The following FSTL4 variants were observed in gnomAD, a reference collection of about 807,000 sequenced individuals.
FSTL4 encodes the protein follistatin-related protein 4.
Under a neutral mutation model 78.2 loss-of-function variants are expected in FSTL4, and 28 were observed. The observed-to-expected ratio is 0.36, with a 90% confidence interval of 0.27 to 0.49. FSTL4 has a LOEUF of 0.49. FSTL4 is among the 20% of genes least tolerant of loss of function. The pLI is 0.98. For synonymous variants in FSTL4, 422 were observed against 440.5 expected, an observed-to-expected ratio of 0.96 and a Z score of 0.53; for missense variants, 922 against 1,084.9, an observed-to-expected ratio of 0.85 and a Z score of 2.11.
intron 14 of FSTL4, among the ~76,000 whole-genome samples, chr5:133,206,042 G>C (rs921902138): frequency 6.6e-6 from 1 of 152,084 alleles, no homozygotes; most frequent in Non-Finnish European, 1.5e-5. Flanking sequence ...AGTGAGATTA[G>C]TCTACAGTTT....
the FSTL4 span, among the ~76,000 whole-genome samples, chr5:133,719,456 G>A: frequency 5.9e-5 from 9 of 152,090 alleles, no homozygotes; most frequent in Non-Finnish European, 1.0e-4. Flanking sequence ...GATCACCTGA[G>A]GTCGGGAGTT....
intron 10 of FSTL4, 196 bp from the exon 11 acceptor site, chr5:133,224,412 A>G (rs1452524441): frequency 2.1e-6 from 1 of 481,248 alleles, no homozygotes; most frequent in Non-Finnish European, 3.7e-6. Flanking sequence ...AAATGCTTTC[A>G]GGTCTCCAGA....
chr5:133,563,744 AT>A, intron 3 of FSTL4, among the ~76,000 whole-genome samples: 1 of 152,296 alleles, frequency 6.6e-6, no homozygotes, highest in Non-Finnish European at 1.5e-5. Flanking sequence ...AACACAATTA[AT>A]TTTGTTAAAT....
chr5:133,727,842 A>G, the FSTL4 span, among the ~76,000 whole-genome samples: 6 of 152,238 alleles, frequency 3.9e-5, no homozygotes, highest in African/African-American at 1.4e-4. Context: ...TCCAGGATGC[A>G]GCGTCAGGGG....
intron 6 of FSTL4, among the ~76,000 whole-genome samples, chr5:133,306,082 A>T (rs893631011): frequency 1.3e-5 from 2 of 152,256 alleles, no homozygotes; most frequent in Non-Finnish European, 2.9e-5. Context: ...CTGCCTTGCC[A>T]GCCTGCCAGG....
chr5:133,329,049 A>G (rs1208484841), intron 4 of FSTL4, among the ~76,000 whole-genome samples: 1 of 152,162 alleles, frequency 6.6e-6, no homozygotes, highest in Non-Finnish European at 1.5e-5. Context: ...GCCGGGTCTG[A>G]GGCTGTCGCT....
chr5:133,458,521 T>A lies in FSTL4; in HGVS notation c.161-57535A>T, dbSNP rs536704544. On this transcript the variant is annotated intron_variant, in intron 3 of 15. Coordinates refer to ENST00000265342, the MANE Select transcript of FSTL4 (RefSeq NM_015082.2). ...GGCCAAGGCAGCATCTCATCCCATG[T>A]ATTTCATGAGGAGAGAATAGGCTTC... is the stretch of plus-strand genomic sequence containing the variant. Among the ~76,000 whole-genome samples, 7 of 152,358 alleles carry A rather than the reference T, an allele frequency of 4.6e-5. No homozygotes were observed. In the East Asian group the frequency reaches 1.3e-3, roughly 29 times the overall value.
intron 6 of FSTL4, among the ~76,000 whole-genome samples, chr5:133,263,683 G>C (rs1374495765): frequency 6.6e-6 from 1 of 152,196 alleles, no homozygotes; most frequent in East Asian, 1.9e-4. Flanking sequence ...TGTCATGATA[G>C]AGAGCAGAGA....
chr5:133,590,258 C>T (rs923516390), intron 2 of FSTL4, among the ~76,000 whole-genome samples: 1 of 152,134 alleles, frequency 6.6e-6, no homozygotes, highest in Non-Finnish European at 1.5e-5. Context: ...GACACTGCCC[C>T]CTTTCATCCT....
chr5:133,534,068 A>G (rs1167493918), intron 3 of FSTL4, among the ~76,000 whole-genome samples: 1 of 152,180 alleles, frequency 6.6e-6, no homozygotes, highest in Non-Finnish European at 1.5e-5. Context: ...TATAATAAAC[A>G]GAAAGTTATT....
chr5:133,436,937 G>C (rs954540929), intron 3 of FSTL4, among the ~76,000 whole-genome samples: 1 of 152,238 alleles, frequency 6.6e-6, no homozygotes, highest in African/African-American at 2.4e-5. Context: ...TGGTATTGGA[G>C]ATAGAGAGAA....
chr5:133,375,754 T>G (rs183879593), intron 4 of FSTL4, among the ~76,000 whole-genome samples: 14 of 152,198 alleles, frequency 9.2e-5, no homozygotes, highest in Non-Finnish European at 1.9e-4. Flanking sequence ...TTCTGTCACA[T>G]TGGGATCAGT....
At chr5:133,631,411 T>C in the FSTL4 span, among the ~76,000 whole-genome samples, 1 of 151,958 alleles carries the variant, frequency 6.6e-6, no homozygotes, top group Non-Finnish European at 1.5e-5. Context: ...TCATCATCAC[T>C]CGTCATTAGA....
the FSTL4 span, among the ~76,000 whole-genome samples, chr5:133,665,719 GCTGAAC>G: frequency 6.6e-6 from 1 of 152,236 alleles, no homozygotes; most frequent in African/African-American, 2.4e-5. Context: ...GGTTAAATGT[GCTGAAC>G]CTGGGAACAT....
chr5:133,319,209 C>G (rs1235477481), intron 4 of FSTL4, among the ~76,000 whole-genome samples: 4 of 152,204 alleles, frequency 2.6e-5, no homozygotes, highest in African/African-American at 4.8e-5. Context: ...ACCTTCTGGT[C>G]AGGAAGGTAT....
At chr5:133,801,512 G>A in the FSTL4 span, among the ~76,000 whole-genome samples, 10 of 152,132 alleles carry the variant, frequency 6.6e-5, no homozygotes, top group Non-Finnish European at 1.0e-4. Flanking sequence ...CACCTCTGCC[G>A]CTTCAGCCTC....
intron 3 of FSTL4, among the ~76,000 whole-genome samples, chr5:133,521,023 A>G (rs1359631845): frequency 3.3e-5 from 5 of 150,770 alleles, no homozygotes; most frequent in Admixed American, 3.3e-4. Flanking sequence ...AAAAACTTTA[A>G]AAAGTAACTA....
chr5:133,275,699 T>A (rs1475248831), intron 6 of FSTL4: 2 of 152,202 alleles, frequency 1.3e-5, no homozygotes, highest in African/African-American at 4.8e-5. Flanking sequence ...CTGGTTTAAT[T>A]CTCGTAACAA....
At chr5:133,226,639 C>T (rs1751344099) in intron 8 of FSTL4, among the ~76,000 whole-genome samples, 1 of 152,124 alleles carries the variant, frequency 6.6e-6, no homozygotes, top group Non-Finnish European at 1.5e-5. Context: ...TACACACTTT[C>T]AAAAAAGATT....
Sources: gnomAD v4.1 joint callset for allele counts (sites outside exome capture counted in the v4.1 genomes callset) on GRCh38, gnomAD v4.1.1 for gene constraint, MANE v1.5 for transcripts, NCBI Gene and HGNC (gene_info 2026-07-23, HGNC 2026-07-21) for gene names.